GRIN2D: variants seen among roughly 807,000 people sequenced by gnomAD.
The protein encoded by GRIN2D is glutamate ionotropic receptor NMDA type subunit 2D.
In GRIN2D, 37 loss-of-function variants were observed where a neutral mutation model predicts 103.2. That is an observed-to-expected ratio of 0.36 (90% CI 0.28 to 0.47). The LOEUF (loss-of-function observed/expected upper bound fraction) is 0.47. Ranked by LOEUF, GRIN2D falls within the 20% of genes least tolerant of loss-of-function variation. The pLI, the probability that GRIN2D is intolerant of heterozygous loss-of-function variation, is 1.00. For synonymous variants in GRIN2D, 845 were observed against 885.6 expected (o/e 0.95, Z 0.81); for missense variants, 1,557 against 1,910.6 (o/e 0.81, Z 3.45).
In GRIN2D at chr19:48,442,539, G is replaced by A. The variant is rs915802367; in HGVS notation, c.2674-61G>A. On this transcript the variant is annotated intron_variant, in intron 13 of 13. Transcript: ENST00000263269. This position sits in a 1 kb window ranked among gnomAD's most constrained non-coding sequence, Gnocchi z 7.2. ...AATGGAGAGGAGAGAGGGACTGAGG[G>A]GAGGCGGGCAGGCGTCCTGGGCATC... The A allele has an allele frequency of 3.4e-6, 5 of 1,477,178 alleles. No homozygotes were observed. Among genetic ancestry groups the A allele is most frequent in the African/African-American group, 2.8e-5 (2 of 71,804 alleles). 91.5% of individuals were successfully genotyped at this position (1,477,178 alleles called of 1,614,324 possible).
Position 48,414,842 on chromosome 19 carries a change from C to G in GRIN2D, c.1413-22C>G. Reference sequence around the variant, plus strand: ...CTAAGGAGGGGGTCCCCAAACTCCCCAAGCCTGGTCACTGCCCGCAGCCCT... The same window carrying G: ...CTAAGGAGGGGGTCCCCAAACTCCCGAAGCCTGGTCACTGCCCGCAGCCCT... On this transcript the variant is annotated intron_variant, in intron 6 of 13. Transcript: ENST00000263269. This position sits in a 1 kb window ranked among gnomAD's most constrained non-coding sequence, Gnocchi z 4.6. The G allele has an allele frequency of 6.2e-7, 1 of 1,613,100 alleles. No individual in the cohort carries two copies. The highest frequency in any genetic ancestry group is 2.2e-5 in the East Asian group (1 of 44,884).
intron 11 of GRIN2D, among the ~76,000 whole-genome samples, chr19:48,424,431 C>G (rs1458518449): frequency 6.6e-6 from 1 of 151,142 alleles, no homozygotes; most frequent in Non-Finnish European, 1.5e-5. Flanking sequence ...CCACCACGCC[C>G]AGCTAATTTT....
chr19:48,442,925 C>G lies in GRIN2D; in HGVS notation c.2999C>G (p.Pro1000Arg). Residue 1000 changes from proline to arginine, a missense_variant, in exon 14 of 14, where the codon CCG (proline) becomes CGG (arginine). Pro to Arg is a moderately radical substitution (Grantham distance 103, BLOSUM62 -2). Coordinates refer to ENST00000263269, the MANE Select transcript of GRIN2D (RefSeq NM_000836.4). This position sits in a 1 kb window ranked among gnomAD's most constrained non-coding sequence, Gnocchi z 7.2. ...CTGTCCCCGCCGGCCGCTCAGCCCC[C>G]GCAGAAGCCGCCGCCCTCCTATTTC... ...RPLSPPAAQP[P>R]QKPPPSYFAI... 1 of 1,128,994 alleles carries G rather than the reference C, an allele frequency of 8.9e-7. No individual in the cohort carries two copies. The highest frequency in any genetic ancestry group is 1.1e-6 in the Non-Finnish European group (1 of 916,888). 69.9% of individuals were successfully genotyped at this position (1,128,994 alleles called of 1,614,324 possible). A position where few individuals can be genotyped will look rare whatever the true frequency, so the allele number is the denominator to read the frequency against.
chr19:48,440,692 C>A (rs1971280671), intron 11 of GRIN2D, among the ~76,000 whole-genome samples: 1 of 152,172 alleles, frequency 6.6e-6, no homozygotes, highest in Non-Finnish European at 1.5e-5. Flanking sequence ...CAATCTTCCT[C>A]TTTATTTGTT....
chr19:48,412,773 G>C (rs979314299), intron 4 of GRIN2D, among the ~76,000 whole-genome samples: 5 of 144,584 alleles, frequency 3.5e-5, no homozygotes, highest in Non-Finnish European at 3.0e-5. Context: ...TGGGCAACAA[G>C]AGCAAAACTC....
At position 48,405,097 on chromosome 19, in the gene GRIN2D, C is replaced by A. The variant is rs1435422751; in HGVS notation, c.829C>A (p.Pro277Thr). The change falls in exon 4 of 14, where the codon CCC (proline) becomes ACC (threonine). Residue 277 changes from proline to threonine, a missense_variant. Around this residue, in one of 7 missense-constraint regions of GRIN2D, gnomAD observed 490 missense variants for 601.1 expected, o/e 0.82. Coordinates refer to ENST00000263269, the MANE Select transcript of GRIN2D (RefSeq NM_000836.4). This position sits in a 1 kb window ranked among gnomAD's most constrained non-coding sequence, Gnocchi z 5.1. ...GSGYVWFMVG[P>T]QLAGGGGSGA... ...TGGCTACGTCTGGTTCATGGTGGGG[C>A]CCCAGCTGGCTGGAGGCGGGGGCTC... 1.3e-6 allele frequency: 2 copies of A among 1,594,862 alleles called. No homozygotes were observed. Among genetic ancestry groups the A allele is most frequent in the Admixed American group, 1.7e-5 (1 of 57,692 alleles).
chr19:48,419,493 C>G, intron 9 of GRIN2D, 92 bp from the exon 10 acceptor site: 1 of 1,365,672 alleles, frequency 7.3e-7, no homozygotes, highest in Non-Finnish European at 1.0e-6. Flanking sequence ...GCCTTGAGGG[C>G]CACTGGGAAT....
chr19:48,433,165 C>T (rs1040535003), intron 11 of GRIN2D, among the ~76,000 whole-genome samples: 2 of 149,286 alleles, frequency 1.3e-5, no homozygotes, highest in African/African-American at 2.4e-5. Flanking sequence ...GTCAGGAGTT[C>T]AAGACCAGCC....
intron 4 of GRIN2D, among the ~76,000 whole-genome samples, chr19:48,407,878 G>T (rs905432887): frequency 6.6e-6 from 1 of 152,186 alleles, no homozygotes; most frequent in Non-Finnish European, 1.5e-5. Context: ...TTCTGAATAG[G>T]TGAAATTTGG....
At position 48,421,645 on chromosome 19, in the gene GRIN2D, G is replaced by A; in HGVS notation, c.2092-140G>A. 1 of 679,542 alleles carries A rather than the reference G, an allele frequency of 1.5e-6. No homozygotes were observed. The highest frequency in any genetic ancestry group is 2.7e-5 in the Admixed American group (1 of 36,480). The allele number at this position is 679,542 out of a possible 1,614,324, so 42.1% of individuals were successfully genotyped here. A position where few individuals can be genotyped will look rare whatever the true frequency, so the allele number is the denominator to read the frequency against. ...TGGGAGTGGAAAAGCATTCCCTAAT[G>A]TAGTGAGCGAGTGTTGAGAAATATT... On this transcript the variant is annotated intron_variant, in intron 10 of 13. Coordinates refer to ENST00000263269, the MANE Select transcript of GRIN2D (RefSeq NM_000836.4). The surrounding 1 kb of genome is among the most constrained non-coding windows in gnomAD (Gnocchi z 4.8).
At chr19:48,406,816 A>G (rs2147443450) in intron 4 of GRIN2D, among the ~76,000 whole-genome samples, 1 of 152,262 alleles carries the variant, frequency 6.6e-6, no homozygotes, top group East Asian at 1.9e-4. Flanking sequence ...TTTCGGATGC[A>G]TGAAGCAGAG....
chr19:48,394,348 G>A lies in GRIN2D; in HGVS notation c.-305-310G>A, dbSNP rs1970606606. ...GTCTAGAGGTGGCCAAGCGAGGAAG[G>A]GGCAAGCAGTTCCCCAAGCAGGCAA... On this transcript the variant is annotated intron_variant, in intron 1 of 13. Transcript: ENST00000263269. The surrounding 1 kb of genome is among the most constrained non-coding windows in gnomAD (Gnocchi z 5.1). Among the ~76,000 whole-genome samples the A allele has an allele frequency of 6.6e-6, 1 of 151,322 alleles. No homozygotes were observed. The highest frequency in any genetic ancestry group is 2.1e-4 in the South Asian group (1 of 4,774).
chr19:48,419,399 G>C (rs757797349), intron 9 of GRIN2D, 40 bp downstream of exon 9: 5 of 1,577,874 alleles, frequency 3.2e-6, no homozygotes, highest in Non-Finnish European at 4.3e-6. Context: ...CGGAGATCCC[G>C]AACCACAGAG....
chr19:48,398,328 C>T (rs1199332115), intron 2 of GRIN2D, 39 bp from the exon 3 acceptor site: 85 of 858,768 alleles, frequency 9.9e-5, no homozygotes, highest in Non-Finnish European at 1.2e-4. Flanking sequence ...CCGTCTGTGC[C>T]TCCCTCTCCT....
intron 11 of GRIN2D, among the ~76,000 whole-genome samples, chr19:48,426,254 C>G (rs1478645219): frequency 9.6e-6 from 1 of 104,142 alleles, no homozygotes; most frequent in Non-Finnish European, 1.7e-5. Context: ...GAAACAGAGT[C>G]TCTCTCTATT....
intron 3 of GRIN2D, among the ~76,000 whole-genome samples, chr19:48,403,134 G>A (rs948682183): frequency 6.6e-6 from 1 of 150,984 alleles, no homozygotes; most frequent in African/African-American, 2.4e-5. Flanking sequence ...AGGAGGCAGA[G>A]GTTGCAGTGA....
rs1169607670 is a variant in GRIN2D, at chr19:48,443,428, T to A, written c.3502T>A (p.Tyr1168Asn). ...LGGWRAGSWD[Y>N]LPPRSGPAAW... ...GGGCTGGCGCGCCGGGAGCTGGGAC[T>A]ACCTGCCCCCGCGCAGCGGTCCGGC... Residue 1168 changes from tyrosine to asparagine, a missense_variant, in exon 14 of 14, where the codon TAC becomes AAC. Transcript: ENST00000263269. This position sits in a 1 kb window ranked among gnomAD's most constrained non-coding sequence, Gnocchi z 8.9. The A allele has an allele frequency of 7.2e-7, 1 of 1,392,438 alleles. No individual in the cohort carries two copies. Among genetic ancestry groups the A allele is most frequent in the Non-Finnish European group, 9.3e-7 (1 of 1,078,132 alleles). The allele number at this position is 1,392,438 out of a possible 1,614,324, so 86.3% of individuals were successfully genotyped here. A position where few individuals can be genotyped will look rare whatever the true frequency, so the allele number is the denominator to read the frequency against.
chr19:48,408,083 C>G (rs1323563257), intron 4 of GRIN2D, among the ~76,000 whole-genome samples: 1 of 151,824 alleles, frequency 6.6e-6, no homozygotes, highest in Non-Finnish European at 1.5e-5. Flanking sequence ...ACCTGTAATC[C>G]CAGCACTTTG....
At chr19:48,423,870 G>A (rs1052983877) in intron 11 of GRIN2D, among the ~76,000 whole-genome samples, 4 of 152,182 alleles carry the variant, frequency 2.6e-5, no homozygotes, top group African/African-American at 9.7e-5. Flanking sequence ...AGGCTGGAGT[G>A]CAGTAGTTCG....
Sources: allele counts gnomAD v4.1 joint callset (sites outside exome capture counted in the v4.1 genomes callset), GRCh38; gene constraint gnomAD v4.1.1; regional missense constraint gnomAD v4.1.1; non-coding constraint Gnocchi (gnomAD v3.1); transcripts MANE v1.5; gene names NCBI Gene and HGNC (gene_info 2026-07-23, HGNC 2026-07-21).